Variants in GABBR2 observed in about 807,000 individuals in gnomAD.
GABBR2 encodes the protein gamma-aminobutyric acid type B receptor subunit 2.
A neutral mutation model predicts 105.6 loss-of-function variants in GABBR2; 23 were observed. That is an observed-to-expected ratio of 0.22 (90% confidence interval 0.16 to 0.31). The LOEUF is 0.31. Ranked by LOEUF, GABBR2 falls within the 10% of genes least tolerant of loss-of-function variation. GABBR2 has a pLI of 1.00. For missense variants in GABBR2, 734 were observed against 1,245.5 expected (o/e 0.59, Z 6.18); for synonymous variants, 478 against 499.7 (o/e 0.96, Z 0.58).
chr9:98,342,743 C>T (rs1831234927), intron 13 of GABBR2, among the ~76,000 whole-genome samples: 1 of 152,194 alleles, frequency 6.6e-6, no homozygotes, highest in African/African-American at 2.4e-5. Flanking sequence ...TGGAGTGTGA[C>T]CCTTAGCATC....
chr9:98,687,965 A>G (rs918987840), intron 1 of GABBR2, among the ~76,000 whole-genome samples: 1 of 152,184 alleles, frequency 6.6e-6, no homozygotes, highest in Non-Finnish European at 1.5e-5. Context: ...TCCCCAGCAC[A>G]TGCCCCAAAG....
At chr9:98,578,147 A>T (rs540239210) in intron 1 of GABBR2, 75 bp from the exon 2 acceptor site, 1 of 1,524,330 alleles carries the variant, frequency 6.6e-7, no homozygotes, top group African/African-American at 1.4e-5. Context: ...CCAACAAACA[A>T]ATCTTTCCTC....
At chr9:98,490,192 T>C (rs1470084158) in intron 4 of GABBR2, among the ~76,000 whole-genome samples, 1 of 152,172 alleles carries the variant, frequency 6.6e-6, no homozygotes, top group Non-Finnish European at 1.5e-5. Context: ...TTAATGCCAC[T>C]GAATTGAACA....
At chr9:98,677,611 C>A (rs370513096) in intron 1 of GABBR2, among the ~76,000 whole-genome samples, 11 of 152,150 alleles carry the variant, frequency 7.2e-5, no homozygotes, top group African/African-American at 2.7e-4. Context: ...CAAATCATGT[C>A]ATTTCCCTGC....
intron 7 of GABBR2, among the ~76,000 whole-genome samples, chr9:98,411,141 A>C (rs1410294947): frequency 2.0e-5 from 3 of 152,218 alleles, no homozygotes; most frequent in African/African-American, 7.2e-5. Context: ...TGGATAACTT[A>C]TAAGGATTTT....
intron 9 of GABBR2, among the ~76,000 whole-genome samples, chr9:98,391,998 G>C (rs1365892953): frequency 6.6e-6 from 1 of 152,158 alleles, no homozygotes; most frequent in Non-Finnish European, 1.5e-5. Flanking sequence ...ACCCAGGCCA[G>C]GTGTGGATAG....
intron 3 of GABBR2, among the ~76,000 whole-genome samples, chr9:98,519,782 C>T (rs1346968361): frequency 6.9e-6 from 1 of 145,668 alleles, no homozygotes; most frequent in Non-Finnish European, 1.5e-5. Context: ...CATGTTTTTT[C>T]CCAACAACGT....
intron 1 of GABBR2, among the ~76,000 whole-genome samples, chr9:98,591,541 T>C (rs1305036136): frequency 6.6e-6 from 1 of 152,034 alleles, no homozygotes; most frequent in Non-Finnish European, 1.5e-5. Flanking sequence ...GGAAGGAGGC[T>C]AGGGAGAGGT....
chr9:98,687,667 C>T (rs373713866), intron 1 of GABBR2, among the ~76,000 whole-genome samples: 20 of 152,260 alleles, frequency 1.3e-4, no homozygotes, highest in African/African-American at 4.8e-4. Context: ...GACTCTGAGG[C>T]TGCCCACCTT....
chr9:98,612,406 C>A (rs975229099), intron 1 of GABBR2, among the ~76,000 whole-genome samples: 1 of 152,204 alleles, frequency 6.6e-6, no homozygotes, highest in Non-Finnish European at 1.5e-5. Context: ...TAGATGCTCA[C>A]CTGTGTGACA....
chr9:98,590,573 T>C (rs756837607), intron 1 of GABBR2, among the ~76,000 whole-genome samples: 3 of 152,258 alleles, frequency 2.0e-5, no homozygotes, highest in Non-Finnish European at 4.4e-5. Flanking sequence ...CAAAGTGTAC[T>C]CGGGCTGCCG....
chr9:98,306,462 G>T lies in GABBR2; in HGVS notation c.2005-117C>A. On this transcript the variant is annotated intron_variant, in intron 14 of 18. Transcript: ENST00000259455. This position sits in a 1 kb window ranked among gnomAD's most constrained non-coding sequence, Gnocchi z 5.4. ...CAGGAGGTGGGCTGCAGGGAGGGAG[G>T]GTCGGGGGCCTTGCTGTCAGCCGGG... 1 of 618,672 alleles carries T rather than the reference G, an allele frequency of 1.6e-6. No individual in the cohort carries two copies. Among genetic ancestry groups the T allele is most frequent in the Non-Finnish European group, 3.0e-6 (1 of 334,162 alleles). 38.3% of individuals were successfully genotyped at this position (618,672 alleles called of 1,614,324 possible).
At chr9:98,706,767 C>T (rs1205381734) in intron 1 of GABBR2, among the ~76,000 whole-genome samples, 1 of 152,186 alleles carries the variant, frequency 6.6e-6, no homozygotes, top group Non-Finnish European at 1.5e-5. Flanking sequence ...CCCAAAAGAC[C>T]GGCTTTGCAG....
chr9:98,654,230 G>A (rs549453545), intron 1 of GABBR2, among the ~76,000 whole-genome samples: 14 of 152,248 alleles, frequency 9.2e-5, no homozygotes, highest in East Asian at 3.9e-4. Flanking sequence ...ACCACGGTGC[G>A]CTCTATGGAA....
chr9:98,420,357 G>A (rs767438672), intron 7 of GABBR2, among the ~76,000 whole-genome samples: 8 of 152,198 alleles, frequency 5.3e-5, no homozygotes, highest in Non-Finnish European at 8.8e-5. Context: ...TGACTCTCCC[G>A]CCAGAGCCCC....
chr9:98,585,544 T>C (rs10115903), intron 1 of GABBR2, among the ~76,000 whole-genome samples: 78,448 of 146,184 alleles, frequency 0.54, 21,806 homozygotes, highest in African/African-American at 0.6. Context: ...TAATGCTAAA[T>C]GATGAGTTAA....
intron 3 of GABBR2, among the ~76,000 whole-genome samples, chr9:98,523,646 T>C (rs1827907758): frequency 6.6e-6 from 1 of 152,146 alleles, no homozygotes; most frequent in Admixed American, 6.5e-5. Flanking sequence ...TGCTAGGAAG[T>C]GCAACCGGGA....
rs181144542 is a variant in GABBR2, at chr9:98,514,620, A to C, written c.631-18106T>G. Among the ~76,000 whole-genome samples the C allele has an allele frequency of 1.7e-3, 215 of 125,012 alleles. 1 individual carries two copies. The highest frequency in any genetic ancestry group is 0.017 in the Admixed American group (175 of 10,280). The allele number at this position is 125,012 out of a possible 152,430, so 82.0% of individuals were successfully genotyped here. A position where few individuals can be genotyped will look rare whatever the true frequency, so the allele number is the denominator to read the frequency against. ...ACAATGAGAACACATGGACACAGGAAGGGGAACGTCACACACCGGGGACTG... is the reference window on the plus strand; with the variant it reads ...ACAATGAGAACACATGGACACAGGACGGGGAACGTCACACACCGGGGACTG... On this transcript the variant is annotated intron_variant, in intron 3 of 18. Transcript: ENST00000259455.
At chr9:98,353,275 AT>A (rs1831431616) in intron 13 of GABBR2, among the ~76,000 whole-genome samples, 1 of 152,174 alleles carries the variant, frequency 6.6e-6, no homozygotes, top group Non-Finnish European at 1.5e-5. Flanking sequence ...GATTGCAGCA[AT>A]CCAGTCACAT....
Sources: gnomAD v4.1 joint callset for allele counts (sites outside exome capture counted in the v4.1 genomes callset) on GRCh38, gnomAD v4.1.1 for gene constraint, Gnocchi (gnomAD v3.1) non-coding constraint, MANE v1.5 for transcripts, NCBI Gene and HGNC (gene_info 2026-07-23, HGNC 2026-07-21) for gene names.